The following DIAPH2 variants were observed in gnomAD, a reference collection of about 807,000 sequenced individuals.
DIAPH2 encodes diaphanous related formin 2.
A neutral mutation model predicts 92.7 loss-of-function variants in DIAPH2; 35 were observed. The ratio of observed to expected loss-of-function variants is 0.38; its 90% CI spans 0.29 to 0.50. DIAPH2 has a LOEUF of 0.50. Ranked by LOEUF, DIAPH2 falls within the 20% of genes least tolerant of loss-of-function variation. The pLI, the probability that DIAPH2 is intolerant of heterozygous loss-of-function variation, is 0.94. For synonymous variants in DIAPH2, 301 were observed against 280.4 expected, an observed-to-expected ratio of 1.07 and a Z score of -0.73; for missense variants, 701 against 819.5, an observed-to-expected ratio of 0.86 and a Z score of 1.77.
At chrX:96,840,151 G>A (rs901630057) in intron 4 of DIAPH2, among the ~76,000 whole-genome samples, 2 of 111,654 alleles carry the variant, frequency 1.8e-5, no homozygotes, top group African/African-American at 3.3e-5. Flanking sequence ...TACATTTATA[G>A]CACATTTTAA....
At chrX:96,915,411 CT>C (rs758048866) in intron 7 of DIAPH2, among the ~76,000 whole-genome samples, 4,305 of 100,541 alleles carry the variant, frequency 0.043, 229 homozygotes, top group African/African-American at 0.14. Context: ...CTTGCATTTT[CT>C]TTTTTTTTTT....
intron 19 of DIAPH2, among the ~76,000 whole-genome samples, chrX:97,090,535 GT>G (rs751348335): frequency 9.1e-6 from 1 of 109,426 alleles, no homozygotes; most frequent in East Asian, 2.9e-4. Flanking sequence ...TTTGGAAAGG[GT>G]CCCCAAAAAG....
intron 26 of DIAPH2, among the ~76,000 whole-genome samples, chrX:97,570,075 AATATATATATATATATATATATAT>A (rs1164491863): frequency 1.7e-4 from 2 of 12,089 alleles, no homozygotes; most frequent in Non-Finnish European, 3.1e-4. Flanking sequence ...AAGGCCTTCT[AATATATATATATATATATATATAT>A]ATATATATAT....
intron 23 of DIAPH2, among the ~76,000 whole-genome samples, chrX:97,316,485 C>CAAAAA (rs55897560): frequency 1.7e-5 from 1 of 59,305 alleles, no homozygotes; most frequent in African/African-American, 6.3e-5. Flanking sequence ...ACTAAAAATA[C>CAAAAA]AAAAAAAAAA....
chrX:97,149,516 G>A (rs971446065), intron 22 of DIAPH2, among the ~76,000 whole-genome samples: 8 of 109,546 alleles, frequency 7.3e-5, no homozygotes, highest in Non-Finnish European at 1.1e-4. Flanking sequence ...CGGATCACGA[G>A]GTCAGGAGAT....
intron 17 of DIAPH2, among the ~76,000 whole-genome samples, chrX:97,019,441 T>A (rs750742921): frequency 7.2e-5 from 8 of 111,171 alleles, no homozygotes; most frequent in South Asian, 7.7e-4. Context: ...TATGATAATA[T>A]AGTAAGTACT....
chrX:97,105,964 A>G lies in DIAPH2; in HGVS notation c.2349+6169A>G, dbSNP rs146436026. Among the ~76,000 whole-genome samples, 46 of 111,665 alleles carry G rather than the reference A, an allele frequency of 4.1e-4. No individual in the cohort carries two copies. The East Asian group carries it at 6.5e-3, about 16-fold the overall frequency. On this transcript the variant is annotated intron_variant, in intron 20 of 26. Coordinates refer to ENST00000324765, the MANE Select transcript of DIAPH2 (RefSeq NM_006729.5). ...ATTTATGCATATAGTTGGAAGTACA[A>G]CTATAAATTTACTGTGCTTTTTAAT... is the stretch of plus-strand genomic sequence containing the variant.
chrX:97,293,402 A>G (rs1158601965), intron 23 of DIAPH2, among the ~76,000 whole-genome samples: 4 of 108,816 alleles, frequency 3.7e-5, no homozygotes, highest in African/African-American at 6.7e-5. Context: ...ACAGGCATGC[A>G]CCACCAGGCC....
chrX:97,556,209 C>A (rs756698967), intron 26 of DIAPH2, among the ~76,000 whole-genome samples: 1 of 111,725 alleles, frequency 9.0e-6, no homozygotes, highest in Non-Finnish European at 1.9e-5. Flanking sequence ...TCAAGGGACT[C>A]TCTCTTATGC....
At chrX:97,432,838 G>T (rs1027118089) in intron 26 of DIAPH2, among the ~76,000 whole-genome samples, 1 of 111,580 alleles carries the variant, frequency 9.0e-6, no homozygotes, top group Middle Eastern at 4.6e-3. Flanking sequence ...GCCCAGGCTG[G>T]TCTCGAACTC....
chrX:97,272,893 T>C (rs2068401375), intron 23 of DIAPH2, among the ~76,000 whole-genome samples: 1 of 112,137 alleles, frequency 8.9e-6, no homozygotes, highest in African/African-American at 3.2e-5. Flanking sequence ...CAGTGGCTCA[T>C]GTGTGTAATC....
At chrX:97,094,253 T>C (rs1907592882) in intron 19 of DIAPH2, among the ~76,000 whole-genome samples, 1 of 111,868 alleles carries the variant, frequency 8.9e-6, no homozygotes, top group African/African-American at 3.3e-5. Context: ...AGTGAGGTGA[T>C]ATTGATCATG....
chrX:97,552,874 C>G (rs762407564), intron 26 of DIAPH2, among the ~76,000 whole-genome samples: 107 of 111,630 alleles, frequency 9.6e-4, no homozygotes, highest in African/African-American at 3.4e-3. Flanking sequence ...GGCTAGAAGT[C>G]CAAAATCAAA....
chrX:97,322,288 T>A (rs2068904992), intron 23 of DIAPH2, among the ~76,000 whole-genome samples: 1 of 112,484 alleles, frequency 8.9e-6, no homozygotes, highest in African/African-American at 3.2e-5. Context: ...TAATGCAATT[T>A]AAAAAATGTA....
chrX:97,442,108 C>T (rs752499729), intron 26 of DIAPH2: 16 of 113,152 alleles, frequency 1.4e-4, no homozygotes, highest in African/African-American at 4.5e-4. Flanking sequence ...CACATTTCCT[C>T]ATTGGTGATC....
chrX:96,985,982 G>GT (rs781465977), intron 17 of DIAPH2, among the ~76,000 whole-genome samples: 7 of 110,297 alleles, frequency 6.3e-5, no homozygotes, highest in African/African-American at 1.6e-4. Flanking sequence ...ATCAAAATAT[G>GT]TTTTTTTTAA....
chrX:97,251,847 G>A (rs756195682), intron 23 of DIAPH2, among the ~76,000 whole-genome samples: 34 of 111,730 alleles, frequency 3.0e-4, no homozygotes, highest in Non-Finnish European at 5.5e-4. Context: ...AGGAAGGTAC[G>A]AAGGAGGGAG....
chrX:96,693,536 C>T (rs923340519), intron 1 of DIAPH2, among the ~76,000 whole-genome samples: 5 of 112,019 alleles, frequency 4.5e-5, no homozygotes, highest in African/African-American at 1.3e-4. Context: ...ATAATGTATA[C>T]GTATAACAGA....
intron 26 of DIAPH2, among the ~76,000 whole-genome samples, chrX:97,554,118 C>T (rs2147865123): frequency 8.9e-6 from 1 of 111,780 alleles, no homozygotes; most frequent in African/African-American, 3.2e-5. Flanking sequence ...GTTGAACTAA[C>T]AGCTGGTTCT....
Sources: gnomAD v4.1 joint callset for allele counts (sites outside exome capture counted in the v4.1 genomes callset) on GRCh38, gnomAD v4.1.1 for gene constraint, MANE v1.5 for transcripts, NCBI Gene and HGNC (gene_info 2026-07-23, HGNC 2026-07-21) for gene names.